The following PCTP variants were observed in gnomAD, a reference collection of about 807,000 sequenced individuals.
The protein encoded by PCTP is START domain-containing protein 2.
Under a neutral mutation model 31.0 loss-of-function variants are expected in PCTP, and 27 were observed. The observed-to-expected ratio is 0.87, with a 90% CI of 0.64 to 1.20. The LOEUF (loss-of-function observed/expected upper bound fraction) is 1.20. PCTP is among the 50% of genes most tolerant of loss of function. The probability of loss-of-function intolerance (pLI) is 0.00; values close to 1 mark genes in which losing one functional copy is unlikely to be tolerated. For missense variants in PCTP, 287 were observed against 268.2 expected (o/e 1.07, Z -0.49); for synonymous variants, 108 against 101.2 (o/e 1.07, Z -0.40).
intron 3 of PCTP, among the ~76,000 whole-genome samples, chr17:55,811,307 G>A (rs1442219580): frequency 6.6e-6 from 1 of 152,142 alleles, no homozygotes; most frequent in Admixed American, 6.5e-5. Context: ...TATCATTATA[G>A]CAAACACATA....
chr17:55,785,657 A>G (rs975670938), intron 2 of PCTP, among the ~76,000 whole-genome samples: 27 of 152,222 alleles, frequency 1.8e-4, no homozygotes, highest in Admixed American at 1.4e-3. Flanking sequence ...TTTTCTTCAT[A>G]GCAATTATCA....
chr17:55,751,504 G>T, intron 1 of PCTP: 1 of 1,499,204 alleles, frequency 6.7e-7, no homozygotes. Flanking sequence ...CATGTAGTTA[G>T]AAGTTAATGA....
At chr17:55,805,309 C>T (rs1912539073) in intron 3 of PCTP, among the ~76,000 whole-genome samples, 1 of 151,950 alleles carries the variant, frequency 6.6e-6, no homozygotes, top group Non-Finnish European at 1.5e-5. Context: ...ACCCATTACC[C>T]AATAGTGAAC....
At chr17:55,852,345 C>T in the PCTP span, among the ~76,000 whole-genome samples, 1 of 152,146 alleles carries the variant, frequency 6.6e-6, no homozygotes, top group African/African-American at 2.4e-5. Flanking sequence ...TAACCACTCT[C>T]CTGGAATTTT....
chr17:55,790,392 T>C (rs1911915639), intron 3 of PCTP, among the ~76,000 whole-genome samples: 1 of 152,070 alleles, frequency 6.6e-6, no homozygotes, highest in African/African-American at 2.4e-5. Flanking sequence ...CATGATTGTA[T>C]ATCTAGAAAA....
chr17:55,774,019 C>A (rs771571403), intron 4 of PCTP, 124 bp downstream of exon 4: 82 of 1,133,538 alleles, frequency 7.2e-5, no homozygotes, highest in Non-Finnish European at 8.5e-5. Context: ...GGCAAAGCTG[C>A]AGAGCAAACC....
At chr17:55,818,433 C>A (rs1432320969) in intron 3 of PCTP, among the ~76,000 whole-genome samples, 1 of 152,182 alleles carries the variant, frequency 6.6e-6, no homozygotes, top group Non-Finnish European at 1.5e-5. Context: ...GCAGATAGAT[C>A]TTGCAGATCT....
At chr17:55,830,887 A>G (rs530101806) in intron 5 of PCTP, among the ~76,000 whole-genome samples, 1 of 152,272 alleles carries the variant, frequency 6.6e-6, no homozygotes, top group Non-Finnish European at 1.5e-5. Context: ...GCAGCAGTAT[A>G]ATAGTCCTGC....
At chr17:55,845,887 GGT>G (rs34179575), downstream of PCTP, among the ~76,000 whole-genome samples, 6,421 of 142,722 alleles carry the variant, frequency 0.045, 132 homozygotes, top group African/African-American at 0.078. Flanking sequence ...AGAGGGTTGG[GGT>G]GTGTGTGTGT....
At chr17:55,810,076 G>A (rs1912698688) in intron 3 of PCTP, among the ~76,000 whole-genome samples, 1 of 151,980 alleles carries the variant, frequency 6.6e-6, no homozygotes, top group Non-Finnish European at 1.5e-5. Flanking sequence ...CTGGAGTGCA[G>A]TGGTGGGATC....
At chr17:55,790,997 G>T (rs1018428685) in intron 3 of PCTP, among the ~76,000 whole-genome samples, 1 of 151,540 alleles carries the variant, frequency 6.6e-6, no homozygotes. Flanking sequence ...CAGAAATAAC[G>T]CCGCATATCT....
intron 3 of PCTP, among the ~76,000 whole-genome samples, chr17:55,817,101 G>C (rs1912944029): frequency 1.3e-5 from 2 of 152,176 alleles, no homozygotes; most frequent in Admixed American, 1.3e-4. Flanking sequence ...ACCACATTTT[G>C]TAGACAGAGT....
chr17:55,756,942 C>T (rs1214106457), intron 1 of PCTP, among the ~76,000 whole-genome samples: 1 of 152,140 alleles, frequency 6.6e-6, no homozygotes, highest in African/African-American at 2.4e-5. Flanking sequence ...GCCCTACTTA[C>T]TGGCCAGGTG....
chr17:55,786,827 C>T (rs867893407), intron 2 of PCTP, among the ~76,000 whole-genome samples: 2 of 152,150 alleles, frequency 1.3e-5, no homozygotes, highest in South Asian at 2.1e-4. Context: ...CCCTCTCCAC[C>T]GTTTCCAATG....
At chr17:55,771,004 A>C in intron 2 of PCTP, 102 bp from the exon 3 acceptor site, 1 of 842,886 alleles carries the variant, frequency 1.2e-6, no homozygotes, top group Non-Finnish European at 2.0e-6. Flanking sequence ...AAGTGCTGGG[A>C]TTACAGGCAT....
Position 55,828,473 on chromosome 17 carries a change from T to C in PCTP, n.505+5546T>C, listed in dbSNP as rs192688844. Reference sequence around the variant, plus strand: ...CTGTCTTCCCCCTCTGTTCTGTGCTTTCACATGGCATTCTCTTCTCTTTGT... The same window carrying C: ...CTGTCTTCCCCCTCTGTTCTGTGCTCTCACATGGCATTCTCTTCTCTTTGT... On this transcript the variant is annotated intron_variant and non_coding_transcript_variant, in intron 5 of 5. Transcript: ENST00000576221. 2.6e-5 allele frequency among the ~76,000 whole-genome samples: 4 copies of C among 152,360 alleles called. No homozygotes were observed. In the East Asian group the frequency reaches 7.7e-4, roughly 29 times the overall value.
At chr17:55,796,796 A>G (rs751368939) in intron 3 of PCTP, among the ~76,000 whole-genome samples, 1 of 151,892 alleles carries the variant, frequency 6.6e-6, no homozygotes, top group South Asian at 2.1e-4. Flanking sequence ...ATTAATTAAG[A>G]TGGGGAAAAG....
downstream of PCTP, among the ~76,000 whole-genome samples, chr17:55,827,296 G>A (rs1211257093): frequency 6.6e-6 from 1 of 152,126 alleles, no homozygotes; most frequent in African/African-American, 2.4e-5. Flanking sequence ...TGACCTGCTG[G>A]ATAAGGAGGG....
At chr17:55,833,913 T>C (rs1157767428) in intron 5 of PCTP, among the ~76,000 whole-genome samples, 1 of 152,216 alleles carries the variant, frequency 6.6e-6, no homozygotes, top group Non-Finnish European at 1.5e-5. Flanking sequence ...CACATATCAG[T>C]GTGTACAATC....
Sources: allele counts gnomAD v4.1 joint callset (sites outside exome capture counted in the v4.1 genomes callset), GRCh38; gene constraint gnomAD v4.1.1; transcripts MANE v1.5; gene names NCBI Gene and HGNC (gene_info 2026-07-23, HGNC 2026-07-21).